Variants in BAZ2B observed in about 807,000 individuals in gnomAD.
BAZ2B encodes the protein bromodomain adjacent to zinc finger domain protein 2B.
A neutral mutation model predicts 246.0 loss-of-function variants in BAZ2B; 91 were observed. The ratio of observed to expected loss-of-function variants is 0.37; its 90% confidence interval spans 0.31 to 0.44. The LOEUF (loss-of-function observed/expected upper bound fraction) is 0.44, where lower values mean the gene tolerates loss of function less well. Among genes scored for constraint, BAZ2B ranks in the 20% least tolerant of loss-of-function variants. The pLI is 1.00. For synonymous variants in BAZ2B, 855 were observed against 860.0 expected, an observed-to-expected ratio of 0.99 and a Z score of 0.10; for missense variants, 2,332 against 2,533.7, an observed-to-expected ratio of 0.92 and a Z score of 1.71.
intron 2 of BAZ2B, among the ~76,000 whole-genome samples, chr2:159,485,056 A>G (rs2079665487): frequency 6.6e-6 from 1 of 152,208 alleles, no homozygotes; most frequent in South Asian, 2.1e-4. Context: ...GAAGAATATC[A>G]GGAGGTAGTC....
At chr2:159,476,000 A>G (rs949473399) in intron 3 of BAZ2B, among the ~76,000 whole-genome samples, 6 of 152,140 alleles carry the variant, frequency 3.9e-5, no homozygotes, top group African/African-American at 1.2e-4. Context: ...GGTGCCTCCC[A>G]GTCAGGATAC....
intron 25 of BAZ2B, among the ~76,000 whole-genome samples, chr2:159,376,586 C>T (rs1041573187): frequency 2.6e-5 from 4 of 152,154 alleles, no homozygotes; most frequent in African/African-American, 7.2e-5. Context: ...ACTCTTAAAT[C>T]TTGACTTTTA....
chr2:159,385,023 A>T lies in BAZ2B; in HGVS notation c.3686+132T>A. ...TTAGTGGCCATCTCTAAATACTGAG[A>T]TAAGTACAATTTTAATTTTCTTCTT... On this transcript the variant is annotated intron_variant, in intron 23 of 36. Coordinates refer to ENST00000392783, the MANE Select transcript of BAZ2B (RefSeq NM_013450.4). The T allele has an allele frequency of 3.2e-6, 3 of 933,034 alleles. No individual in the cohort carries two copies. The South Asian group carries it at 5.2e-5, about 16-fold the overall frequency. The allele number at this position is 933,034 out of a possible 1,614,324, so 57.8% of individuals were successfully genotyped here.
intron 28 of BAZ2B, 80 bp from the exon 29 acceptor site, chr2:159,349,360 T>C (rs2058320634): frequency 1.5e-6 from 2 of 1,374,476 alleles, no homozygotes; most frequent in African/African-American, 2.9e-5. Flanking sequence ...TGAAATTATT[T>C]TTCAAATTCC....
At chr2:159,334,463 G>A (rs765894795) in intron 33 of BAZ2B, among the ~76,000 whole-genome samples, 25 of 152,248 alleles carry the variant, frequency 1.6e-4, no homozygotes, top group Non-Finnish European at 2.8e-4. Flanking sequence ...GTCCAAAAGG[G>A]TATTTCTAAA....
chr2:159,383,624 A>G lies in BAZ2B; in HGVS notation c.3743T>C (p.Val1248Ala). ...MSNLRRDKWVVEGKLRKLRII... is the reference protein window; with the variant it reads ...MSNLRRDKWVAEGKLRKLRII... ...GACTTACTTGCGGAGTTTACCTTCT[A>G]CCACCCATTTATCTCTCCTCAAGTT... Residue 1248 changes from valine to alanine, a missense_variant, in exon 24 of 37, where the codon GTA becomes GCA. Physicochemically the swap from Val to Ala is moderately conservative, Grantham distance 64. Coordinates refer to ENST00000392783, the MANE Select transcript of BAZ2B (RefSeq NM_013450.4). The G allele has an allele frequency of 6.2e-7, 1 of 1,611,716 alleles. No homozygotes were observed. Among genetic ancestry groups the G allele is most frequent in the Non-Finnish European group, 8.5e-7 (1 of 1,178,646 alleles).
chr2:159,568,043 T>C (rs373883439), intron 1 of BAZ2B, among the ~76,000 whole-genome samples: 10 of 152,338 alleles, frequency 6.6e-5, no homozygotes, highest in African/African-American at 2.2e-4. Flanking sequence ...TTTTAATCTC[T>C]GGAAAGTGCA....
intron 13 of BAZ2B, among the ~76,000 whole-genome samples, chr2:159,426,272 A>G (rs3755436): frequency 0.39 from 59,198 of 152,044 alleles, 12,335 homozygotes; most frequent in Middle Eastern, 0.49. Flanking sequence ...TCACTGATAT[A>G]AAACTAAAAA....
At chr2:159,686,944 A>T in the BAZ2B span, among the ~76,000 whole-genome samples, 1 of 148,674 alleles carries the variant, frequency 6.7e-6, no homozygotes, top group African/African-American at 2.5e-5. Flanking sequence ...CGGGAGGCTG[A>T]GGCAGGAGAA....
At chr2:159,322,989 T>C (rs1266605328) in intron 36 of BAZ2B, among the ~76,000 whole-genome samples, 2 of 144,216 alleles carry the variant, frequency 1.4e-5, no homozygotes, top group Admixed American at 1.4e-4. Context: ...GCTCTGATTT[T>C]GTAGCTTTTT....
At position 159,457,253 on chromosome 2, in the gene BAZ2B, A is replaced by G. The variant is rs77685471; in HGVS notation, c.146-3452T>C. 3.0e-4 allele frequency among the ~76,000 whole-genome samples: 46 copies of G among 152,302 alleles called. No individual in the cohort carries two copies. In the East Asian group the frequency reaches 8.7e-3, roughly 29 times the overall value. The stretch of plus-strand genomic sequence containing the variant: ...GGAACTCATGTTTTGAGCATAATTT[A>G]AACAGTGCAAGACTATTTTTATACC... On this transcript the variant is annotated intron_variant, in intron 3 of 36. Transcript: ENST00000392783.
intron 4 of BAZ2B, among the ~76,000 whole-genome samples, chr2:159,452,514 G>A (rs1263318114): frequency 6.6e-6 from 1 of 152,182 alleles, no homozygotes; most frequent in African/African-American, 2.4e-5. Flanking sequence ...AACAAAGCCA[G>A]ATTTAAATTC....
intron 26 of BAZ2B, among the ~76,000 whole-genome samples, chr2:159,374,224 T>A (rs915279484): frequency 6.6e-6 from 1 of 152,044 alleles, no homozygotes; most frequent in Non-Finnish European, 1.5e-5. Flanking sequence ...TTTAACAAGA[T>A]GTATGTAAAT....
At chr2:159,643,075 T>C in the BAZ2B span, among the ~76,000 whole-genome samples, 1 of 152,254 alleles carries the variant, frequency 6.6e-6, no homozygotes, top group Non-Finnish European at 1.5e-5. Flanking sequence ...AGCCATTTTT[T>C]CTATAACTCC....
intron 27 of BAZ2B, among the ~76,000 whole-genome samples, chr2:159,356,142 A>G (rs2059087536): frequency 6.6e-6 from 1 of 152,076 alleles, no homozygotes; most frequent in South Asian, 2.1e-4. Flanking sequence ...AGACAGAACC[A>G]TTCACTCCCC....
chr2:159,352,757 A>G (rs1176558450), intron 27 of BAZ2B, among the ~76,000 whole-genome samples: 2 of 152,150 alleles, frequency 1.3e-5, no homozygotes, highest in African/African-American at 2.4e-5. Flanking sequence ...GAGCTTTGGG[A>G]TTACAGGCAT....
chr2:159,466,937 C>T (rs1207562545), intron 3 of BAZ2B, among the ~76,000 whole-genome samples: 6 of 152,232 alleles, frequency 3.9e-5, no homozygotes, highest in Non-Finnish European at 7.4e-5. Flanking sequence ...CAGACACACC[C>T]AGAAATAGTG....
intron 27 of BAZ2B, 148 bp from the exon 28 acceptor site, chr2:159,350,505 A>G (rs2058436690): frequency 1.7e-6 from 1 of 579,112 alleles, no homozygotes; most frequent in Non-Finnish European, 2.7e-6. Context: ...CCTTTTTTAT[A>G]GATTATAGCT....
At chr2:159,532,206 A>G (rs970038821) in intron 2 of BAZ2B, among the ~76,000 whole-genome samples, 2 of 152,214 alleles carry the variant, frequency 1.3e-5, no homozygotes, top group African/African-American at 4.8e-5. Flanking sequence ...ATTTTAAACA[A>G]GTGAAACCCA....
Sources: allele counts gnomAD v4.1 joint callset (sites outside exome capture counted in the v4.1 genomes callset), GRCh38; gene constraint gnomAD v4.1.1; transcripts MANE v1.5; gene names NCBI Gene and HGNC (gene_info 2026-07-23, HGNC 2026-07-21).